Variants in CFAP92 observed in about 807,000 individuals in gnomAD.
The protein encoded by CFAP92 is cilia and flagella associated protein 92 (putative), also known as uncharacterized protein CFAP92.
In CFAP92, 86 loss-of-function variants were observed where a neutral mutation model predicts 106.3. That is an observed-to-expected ratio of 0.81 (90% CI 0.68 to 0.97). The LOEUF (loss-of-function observed/expected upper bound fraction) is 0.97. CFAP92 is among the 50% of genes least tolerant of loss of function. The pLI, the probability that CFAP92 is intolerant of heterozygous loss-of-function variation, is 0.00. For missense variants in CFAP92, 1,204 were observed against 1,283.8 expected, an observed-to-expected ratio of 0.94 and a Z score of 0.95; for synonymous variants, 477 against 506.4, an observed-to-expected ratio of 0.94 and a Z score of 0.78.
At chr3:129,018,567 G>A in the CFAP92 span, among the ~76,000 whole-genome samples, 2 of 152,262 alleles carry the variant, frequency 1.3e-5, no homozygotes, top group African/African-American at 4.8e-5. Context: ...TTTACTCTCT[G>A]GCCCTTTATG....
At chr3:128,999,732 G>GGGC (rs1394730359) in intron 1 of CFAP92, among the ~76,000 whole-genome samples, 2 of 151,546 alleles carry the variant, frequency 1.3e-5, no homozygotes, top group East Asian at 3.9e-4. Context: ...TAGAGATGGG[G>GGGC]GTGGTTCACT....
At chr3:129,015,730 C>T in the CFAP92 span, among the ~76,000 whole-genome samples, 1 of 149,792 alleles carries the variant, frequency 6.7e-6, no homozygotes, top group South Asian at 2.2e-4. Context: ...TGAGGACTGT[C>T]CCCCCACCCC....
intron 9 of CFAP92, among the ~76,000 whole-genome samples, chr3:128,948,223 T>TG (rs1940428049): frequency 1.3e-5 from 2 of 151,996 alleles, no homozygotes; most frequent in African/African-American, 4.8e-5. Flanking sequence ...GACAGGGTCT[T>TG]GCTCTGTTGC....
At chr3:128,990,756 C>T (rs1214867566) in intron 2 of CFAP92, among the ~76,000 whole-genome samples, 8 of 151,854 alleles carry the variant, frequency 5.3e-5, no homozygotes, top group Non-Finnish European at 7.4e-5. Context: ...ATTAGCTGGG[C>T]GTGGTGGCAT....
At chr3:128,991,163 G>A (rs1189561917) in intron 2 of CFAP92, among the ~76,000 whole-genome samples, 3 of 152,174 alleles carry the variant, frequency 2.0e-5, no homozygotes, top group African/African-American at 4.8e-5. Flanking sequence ...TGAAAGAGAT[G>A]AGGGCTAAAG....
chr3:128,928,610 T>C (rs1377180479), intron 12 of CFAP92, among the ~76,000 whole-genome samples: 1 of 152,144 alleles, frequency 6.6e-6, no homozygotes, highest in African/African-American at 2.4e-5. Context: ...GATATCCATA[T>C]GCAAAAAGAT....
intron 7 of CFAP92, among the ~76,000 whole-genome samples, chr3:128,973,320 C>T (rs868242249): frequency 4.6e-5 from 7 of 152,100 alleles, no homozygotes; most frequent in Non-Finnish European, 1.0e-4. Context: ...CCGTGCAGAC[C>T]GGGGAGAACA....
rs747873776 is a variant in CFAP92 at position 128,993,125 on chromosome 3, C to G, written c.180G>C (p.Glu60Asp). 8 of 1,613,980 alleles carry G rather than the reference C, an allele frequency of 5.0e-6. No homozygotes were observed. The highest frequency in any genetic ancestry group is 6.8e-6 in the Non-Finnish European group (8 of 1,179,920). The change falls in exon 2 of 16, where the codon GAG (glutamate) becomes GAC (aspartate). Residue 60 changes from glutamate to aspartate, a missense_variant. Glu to Asp is a conservative substitution (Grantham distance 45). Coordinates refer to ENST00000645291, the MANE Select transcript of CFAP92 (RefSeq NM_001394090.1). ...CGTCGGAGCTGAAAGTGCTGGCAGG[C>G]TCAGATGAGGACTCGATGCTGCTGC... The part of the protein sequence containing the change: ...RPCSSIESSS[E>D]PASTFSSDVP...
chr3:128,963,658 C>T lies in CFAP92; in HGVS notation c.1353+1853G>A, dbSNP rs374626078. On this transcript the variant is annotated intron_variant, in intron 9 of 15. Transcript: ENST00000645291. ...TCTTTCCTGTTCCTCACCCTGATCA[C>T]GCTTGATTTATTGACGGCAGTTCCA... Among the ~76,000 whole-genome samples, 170 of 150,190 alleles carry T rather than the reference C, an allele frequency of 1.1e-3. 5 individuals are homozygous for T. In the East Asian group the frequency reaches 0.023, roughly 21 times the overall value.
chr3:129,025,108 G>A, the CFAP92 span, among the ~76,000 whole-genome samples: 1 of 152,102 alleles, frequency 6.6e-6, no homozygotes, highest in South Asian at 2.1e-4. Flanking sequence ...AGTTAAGTTC[G>A]GGCGCTTGTC....
chr3:128,929,443 A>G (rs948453481), intron 12 of CFAP92, among the ~76,000 whole-genome samples: 1 of 152,218 alleles, frequency 6.6e-6, no homozygotes, highest in Non-Finnish European at 1.5e-5. Flanking sequence ...AGAGAAATGA[A>G]AACATATTTT....
chr3:128,945,509 C>A lies in CFAP92; in HGVS notation c.1820G>T (p.Gly607Val). The change falls in exon 10 of 16, where the codon GGG (glycine) becomes GTG (valine). Residue 607 changes from glycine (G) to valine (V), a missense_variant. Gly to Val is a moderately radical substitution (Grantham distance 109, BLOSUM62 -3). Transcript: ENST00000645291. ...GTGGCCATCTCTGGGGACCCCAAGCCCCACAACCTTCCTTCTCCTGCTGTC... is the reference window on the plus strand; with the variant it reads ...GTGGCCATCTCTGGGGACCCCAAGCACCACAACCTTCCTTCTCCTGCTGTC... ...GQDSRRRKVV[G>V]LGVPRDGHQH... 1 of 1,536,160 alleles carries A rather than the reference C, an allele frequency of 6.5e-7. No homozygotes were observed. Among genetic ancestry groups the A allele is most frequent in the Non-Finnish European group, 8.7e-7 (1 of 1,146,928 alleles).
At chr3:128,933,134 G>C (rs753717977) in intron 11 of CFAP92, 137 bp from the exon 12 acceptor site, 631 of 785,462 alleles carry the variant, frequency 8.0e-4, no homozygotes, top group Non-Finnish European at 1.1e-3. Flanking sequence ...TGACTAAAGA[G>C]CTCCAATTCC....
chr3:129,013,744 C>T, the CFAP92 span, among the ~76,000 whole-genome samples: 4 of 152,226 alleles, frequency 2.6e-5, no homozygotes, highest in Non-Finnish European at 5.9e-5. Flanking sequence ...CTAGACCTGG[C>T]TAAAACATTC....
the CFAP92 span, among the ~76,000 whole-genome samples, chr3:129,012,783 T>C: frequency 6.6e-6 from 1 of 152,118 alleles, no homozygotes; most frequent in South Asian, 2.1e-4. Context: ...ACAATCAATG[T>C]CCACCTCATG....
At chr3:129,017,015 C>T in the CFAP92 span, among the ~76,000 whole-genome samples, 1 of 152,230 alleles carries the variant, frequency 6.6e-6, no homozygotes, top group African/African-American at 2.4e-5. Context: ...ATCTTCCACT[C>T]TGTTTTCCTC....
intron 9 of CFAP92, among the ~76,000 whole-genome samples, chr3:128,962,094 T>C (rs1420070481): frequency 2.6e-5 from 4 of 152,178 alleles, no homozygotes; most frequent in Non-Finnish European, 5.9e-5. Context: ...TCAACTCACC[T>C]GGCAGCCACT....
chr3:128,928,253 A>C lies in CFAP92; in HGVS notation c.2751+4447T>G, dbSNP rs185012977. ...GGGTGACAGAGCAAGACTCCGTCCC[A>C]AAAAAAATAAATAAACAAAATCCCC... On this transcript the variant is annotated intron_variant, in intron 12 of 15. Transcript: ENST00000645291. 4.3e-4 allele frequency among the ~76,000 whole-genome samples: 66 copies of C among 152,168 alleles called. 2 individuals are homozygous for C. In the East Asian group the frequency reaches 6.4e-3, roughly 15 times the overall value.
chr3:128,960,014 G>A (rs1214304831), intron 9 of CFAP92, among the ~76,000 whole-genome samples: 7 of 152,248 alleles, frequency 4.6e-5, no homozygotes, highest in African/African-American at 1.7e-4. Context: ...CCTTAAGAAG[G>A]TTCTTTGTAA....
Sources: allele counts gnomAD v4.1 joint callset (sites outside exome capture counted in the v4.1 genomes callset), GRCh38; gene constraint gnomAD v4.1.1; transcripts MANE v1.5; gene names NCBI Gene and HGNC (gene_info 2026-07-23, HGNC 2026-07-21).